Variants in NXNL2 observed in about 807,000 individuals in gnomAD.
NXNL2 encodes nucleoredoxin-like protein 2.
In NXNL2, 7 loss-of-function variants were observed where a neutral mutation model predicts 11.1. That is an observed-to-expected ratio of 0.63 (90% CI 0.36 to 1.18). The LOEUF is 1.18. NXNL2 is among the 50% of genes most tolerant of loss of function. NXNL2 has a pLI of 0.02. For missense variants in NXNL2, 233 were observed against 217.7 expected (o/e 1.07, Z -0.44); for synonymous variants, 109 against 101.8 (o/e 1.07, Z -0.42).
downstream of NXNL2, among the ~76,000 whole-genome samples, chr9:88,579,364 C>A (rs1283439163): frequency 6.6e-6 from 1 of 152,130 alleles, no homozygotes; most frequent in East Asian, 1.9e-4. Flanking sequence ...TCAGGTGTGG[C>A]CTGACTAGGG....
At chr9:88,575,233 A>G (rs1587857605) in exon 3 of NXNL2, 1 of 842,494 alleles carries the variant, frequency 1.2e-6, no homozygotes, top group Non-Finnish European at 1.4e-6. Context: ...TGACTCAGCA[A>G]TCCTGCTGCT....
downstream of NXNL2, among the ~76,000 whole-genome samples, chr9:88,580,342 A>T (rs1249473287): frequency 6.6e-6 from 1 of 151,826 alleles, no homozygotes; most frequent in Non-Finnish European, 1.5e-5. Context: ...TTTAGTAGAG[A>T]TGGGATTTCA....
intron 1 of NXNL2, among the ~76,000 whole-genome samples, chr9:88,549,981 C>T (rs192533469): frequency 7.2e-5 from 11 of 152,222 alleles, no homozygotes; most frequent in South Asian, 2.1e-4. Flanking sequence ...TGGGCCACCA[C>T]GCCTGGCCAA....
intron 1 of NXNL2, among the ~76,000 whole-genome samples, chr9:88,581,401 G>A (rs1217907728): frequency 6.6e-6 from 1 of 151,704 alleles, no homozygotes; most frequent in African/African-American, 2.4e-5. Context: ...TTTGGCAATA[G>A]TGAGCATGAG....
chr9:88,563,122 G>A (rs534111112), intron 1 of NXNL2, among the ~76,000 whole-genome samples: 1 of 152,118 alleles, frequency 6.6e-6, no homozygotes, highest in Admixed American at 6.5e-5. Context: ...ACAGACTGAG[G>A]GCTTACCACA....
chr9:88,564,078 GCA>G (rs1830127806), intron 1 of NXNL2, among the ~76,000 whole-genome samples: 1 of 151,832 alleles, frequency 6.6e-6, no homozygotes, highest in Non-Finnish European at 1.5e-5. Context: ...GGGCGTGGTG[GCA>G]TGTGTCTGTA....
chr9:88,564,688 T>G (rs1268938666), intron 1 of NXNL2, among the ~76,000 whole-genome samples: 17 of 152,252 alleles, frequency 1.1e-4, no homozygotes, highest in Non-Finnish European at 7.3e-5. Context: ...AGTGCTGGGA[T>G]TACAGGCGTG....
rs1186656986 is a variant in NXNL2, at chr9:88,535,524, A to G, written c.90A>G (p.Ala30=). The G allele has an allele frequency of 6.2e-7, 1 of 1,609,760 alleles. No individual in the cohort carries two copies. The highest frequency in any genetic ancestry group is 1.3e-5 in the African/African-American group (1 of 74,874). Residue 30 remains alanine (A), a synonymous_variant, in exon 1 of 2, where the codon GCA becomes GCG. Transcript: ENST00000375854. ...AEAALQNKVV[A]LYFAAARCAP... is the part of the protein sequence containing the mutation. ...CGGCGCTGCAGAACAAGGTGGTGGC[A>G]CTGTACTTCGCGGCGGCCCGGTGCG... is the stretch of plus-strand genomic sequence containing the variant.
chr9:88,543,826 G>A (rs1003967373), intron 1 of NXNL2, among the ~76,000 whole-genome samples: 34 of 152,316 alleles, frequency 2.2e-4, no homozygotes, highest in East Asian at 1.5e-3. Context: ...GCACAGATAC[G>A]GAGAGTTCAC....
At chr9:88,555,184 T>C (rs1829992608) in intron 1 of NXNL2, among the ~76,000 whole-genome samples, 1 of 152,198 alleles carries the variant, frequency 6.6e-6, no homozygotes, top group Non-Finnish European at 1.5e-5. Context: ...AGAGCAAGTT[T>C]ATTAAGAAAG....
intron 1 of NXNL2, 92 bp downstream of exon 1, chr9:88,535,828 G>T: frequency 1.0e-6 from 1 of 995,050 alleles, no homozygotes; most frequent in South Asian, 1.7e-5. Context: ...AGCTCTTTAT[G>T]ACGCCCCCCC....
downstream of NXNL2, chr9:88,575,828 T>G (rs1587857836): frequency 6.6e-6 from 1 of 152,334 alleles, no homozygotes; most frequent in East Asian, 1.9e-4. Context: ...TATTATGCAT[T>G]GCATGCCTGT....
chr9:88,572,630 C>T (rs918025912), intron 2 of NXNL2, among the ~76,000 whole-genome samples: 6 of 152,178 alleles, frequency 3.9e-5, no homozygotes, highest in African/African-American at 1.2e-4. Flanking sequence ...GCCTGTGCTG[C>T]GACCCAGGTG....
At chr9:88,538,097 C>T (rs985048212) in intron 1 of NXNL2, among the ~76,000 whole-genome samples, 5 of 152,160 alleles carry the variant, frequency 3.3e-5, no homozygotes, top group African/African-American at 4.8e-5. Context: ...TCTCTGTGGA[C>T]ACAGCTCAGG....
chr9:88,581,576 A>T (rs1830409164), intron 1 of NXNL2, among the ~76,000 whole-genome samples: 1 of 152,108 alleles, frequency 6.6e-6, no homozygotes. Context: ...CCTCCCGAGT[A>T]GCTGCAATTA....
At chr9:88,548,682 CAA>C (rs34096783), downstream of NXNL2, among the ~76,000 whole-genome samples, 78 of 78,856 alleles carry the variant, frequency 9.9e-4, no homozygotes, top group African/African-American at 1.9e-3. Flanking sequence ...GACTCTGTCT[CAA>C]AAAAAAAAAA....
Position 88,540,318 on chromosome 9 carries a change from C to T in NXNL2, c.303-4061C>T, listed in dbSNP as rs887274786. Among the ~76,000 whole-genome samples, 13 of 148,264 alleles carry T rather than the reference C, an allele frequency of 8.8e-5. No homozygotes were observed. The South Asian group carries it at 1.3e-3, about 15-fold the overall frequency. The stretch of plus-strand genomic sequence containing the variant: ...CTGCACTCCAGTCTGGGCGAAAGAG[C>T]GAGACTCCATCTTAAAAAAAAAAAA... On this transcript the variant is annotated intron_variant, in intron 1 of 1. Coordinates refer to ENST00000375854, the MANE Select transcript of NXNL2 (RefSeq NM_001161625.2).
In NXNL2 at chr9:88,575,149, G is replaced by A. The variant is rs948717006; in HGVS notation, c.*79G>A. Reference sequence around the variant, plus strand: ...AGGAGTTGGACACTCCGAGAGTGCAGCTGTTCTCCCCCCGCACCATCCGTG... The same window carrying A: ...AGGAGTTGGACACTCCGAGAGTGCAACTGTTCTCCCCCCGCACCATCCGTG... On this transcript the variant is annotated 3_prime_UTR_variant, in exon 3 of 3. Coordinates refer to the NXNL2 transcript ENST00000375855. 4.1e-6 allele frequency: 4 copies of A among 985,234 alleles called. No homozygotes were observed. In the African/African-American group the frequency reaches 7.0e-5, roughly 17 times the overall value. The allele number at this position is 985,234 out of a possible 1,614,324, so 61.0% of individuals were successfully genotyped here.
At chr9:88,564,244 A>G (rs527656351) in intron 1 of NXNL2, among the ~76,000 whole-genome samples, 11 of 132,224 alleles carry the variant, frequency 8.3e-5, no homozygotes, top group East Asian at 2.8e-4. Context: ...GATGTTGTCT[A>G]TCTATCTATC....
Sources: gnomAD v4.1 joint callset for allele counts (sites outside exome capture counted in the v4.1 genomes callset) on GRCh38, gnomAD v4.1.1 for gene constraint, MANE v1.5 for transcripts, NCBI Gene and HGNC (gene_info 2026-07-23, HGNC 2026-07-21) for gene names.